The following TMC7 variants were observed in gnomAD, a reference collection of about 807,000 sequenced individuals.
TMC7 encodes the protein transmembrane channel like 7, also known as transmembrane channel-like protein 7.
A neutral mutation model predicts 82.9 loss-of-function variants in TMC7; 54 were observed. The observed-to-expected ratio is 0.65, with a 90% confidence interval of 0.52 to 0.82. The LOEUF is 0.82. Among genes scored for constraint, TMC7 ranks in the 40% least tolerant of loss-of-function variants. The probability of loss-of-function intolerance (pLI) is 0.00; values close to 1 mark genes in which losing one functional copy is unlikely to be tolerated. For synonymous variants in TMC7, 350 were observed against 337.9 expected (o/e 1.04, Z -0.39); for missense variants, 820 against 901.2 (o/e 0.91, Z 1.15).
intron 8 of TMC7, among the ~76,000 whole-genome samples, chr16:19,038,396 T>C (rs905572941): frequency 6.6e-6 from 1 of 151,706 alleles, no homozygotes; most frequent in African/African-American, 2.4e-5. Context: ...GGTTTCTCCA[T>C]GTTGATCAGG....
intron 12 of TMC7, among the ~76,000 whole-genome samples, chr16:19,050,702 T>C (rs1961498788): frequency 6.6e-6 from 1 of 152,122 alleles, no homozygotes; most frequent in African/African-American, 2.4e-5. Flanking sequence ...GGTTTCACCA[T>C]GTTGGCCAGG....
intron 5 of TMC7, among the ~76,000 whole-genome samples, chr16:19,025,489 G>A (rs112058972): frequency 1.6e-4 from 25 of 151,880 alleles, no homozygotes; most frequent in Admixed American, 5.9e-4. Flanking sequence ...CATGGTGGCG[G>A]GTGCCTGTAA....
chr16:18,997,799 G>A (rs1461029952), intron 1 of TMC7, among the ~76,000 whole-genome samples: 2 of 148,774 alleles, frequency 1.3e-5, no homozygotes, highest in Non-Finnish European at 3.0e-5. Flanking sequence ...GTACGATCTC[G>A]GCTCACTGCA....
chr16:19,053,783 C>T (rs1031423592), intron 13 of TMC7, among the ~76,000 whole-genome samples: 12 of 150,194 alleles, frequency 8.0e-5, no homozygotes, highest in Non-Finnish European at 1.5e-5. Flanking sequence ...TTCATTTTCT[C>T]ATTCCTTCTC....
At chr16:19,034,109 T>C (rs1960635761) in intron 6 of TMC7, among the ~76,000 whole-genome samples, 1 of 152,214 alleles carries the variant, frequency 6.6e-6, no homozygotes, top group Non-Finnish European at 1.5e-5. Flanking sequence ...GCTCACTAAA[T>C]AGTTAATTTA....
chr16:19,056,094 CTT>C (rs200352592), intron 13 of TMC7, among the ~76,000 whole-genome samples: 3 of 145,802 alleles, frequency 2.1e-5, no homozygotes, highest in Admixed American at 6.9e-5. Context: ...TTCTTTCTTT[CTT>C]TTTTTTTTTT....
Position 19,047,117 on chromosome 16 carries a change from G to A in TMC7, c.1608G>A (p.Gln536=). The stretch of plus-strand genomic sequence containing the variant: ...AGCTGATTCAGTGCTGGGGGCAGCA[G>A]GAGTTTGCCATTCCTGATAACGTCC... ...SCKLIQCWGQ[Q]EFAIPDNVLG... Residue 536 remains glutamine, a synonymous_variant, in exon 12 of 16, where the codon CAG becomes CAA. Coordinates refer to ENST00000304381, the MANE Select transcript of TMC7 (RefSeq NM_024847.4). 1 of 1,614,056 alleles carries A rather than the reference G, an allele frequency of 6.2e-7. No homozygotes were observed. The highest frequency in any genetic ancestry group is 1.1e-5 in the South Asian group (1 of 91,072).
intron 12 of TMC7, among the ~76,000 whole-genome samples, chr16:19,050,488 C>A (rs1357630358): frequency 6.6e-6 from 1 of 151,128 alleles, no homozygotes; most frequent in Non-Finnish European, 1.5e-5. Flanking sequence ...AGCTGTCTCT[C>A]ATCCTTCTTT....
At chr16:19,044,029 C>T (rs987922412) in intron 9 of TMC7, among the ~76,000 whole-genome samples, 19 of 152,064 alleles carry the variant, frequency 1.2e-4, no homozygotes, top group African/African-American at 4.6e-4. Context: ...GCCACCACAC[C>T]CAGCTAATTT....
At chr16:19,044,728 A>G (rs1462114239) in intron 9 of TMC7, among the ~76,000 whole-genome samples, 156 bp from the exon 10 acceptor site, 1 of 137,826 alleles carries the variant, frequency 7.3e-6, no homozygotes, top group Non-Finnish European at 1.5e-5. Context: ...AGATCACACC[A>G]CTGCTCTCCA....
intron 1 of TMC7, among the ~76,000 whole-genome samples, chr16:19,005,768 C>T (rs2039228850): frequency 6.6e-6 from 1 of 152,136 alleles, no homozygotes; most frequent in Non-Finnish European, 1.5e-5. Context: ...AGACCCTTTT[C>T]CTTTTCAGGG....
At chr16:19,048,649 G>A (rs1162343179) in intron 12 of TMC7, among the ~76,000 whole-genome samples, 1 of 152,136 alleles carries the variant, frequency 6.6e-6, no homozygotes, top group Non-Finnish European at 1.5e-5. Flanking sequence ...TTGAACTCCC[G>A]ACCTCAGGTG....
intron 1 of TMC7, among the ~76,000 whole-genome samples, chr16:18,986,551 T>C (rs1050297170): frequency 9.2e-5 from 14 of 151,962 alleles, no homozygotes; most frequent in African/African-American, 3.4e-4. Context: ...CTAGACTCTG[T>C]CTCAAAAACA....
intron 15 of TMC7, among the ~76,000 whole-genome samples, chr16:19,061,570 C>T (rs1962011789): frequency 6.6e-6 from 1 of 152,212 alleles, no homozygotes; most frequent in Non-Finnish European, 1.5e-5. Context: ...CAGGCATGAG[C>T]CACCGTGTCC....
chr16:18,988,457 T>A (rs2038892696), intron 1 of TMC7, among the ~76,000 whole-genome samples: 1 of 151,894 alleles, frequency 6.6e-6, no homozygotes, highest in African/African-American at 2.4e-5. Context: ...GTCTGGCTAA[T>A]TTTTTTGAGT....
At chr16:19,043,592 T>C (rs1961121755) in intron 9 of TMC7, among the ~76,000 whole-genome samples, 1 of 149,720 alleles carries the variant, frequency 6.7e-6, no homozygotes, top group Admixed American at 6.7e-5. Context: ...ATTTCTGAGA[T>C]GGAGTTTCGC....
chr16:18,986,421 C>T (rs961855241), intron 1 of TMC7, among the ~76,000 whole-genome samples: 47 of 146,106 alleles, frequency 3.2e-4, no homozygotes, highest in Admixed American at 2.8e-4. Context: ...ATGGGTATGG[C>T]GGCATGTGCC....
chr16:19,030,519 A>G, intron 6 of TMC7, 150 bp downstream of exon 6: 1 of 809,220 alleles, frequency 1.2e-6, no homozygotes, highest in Non-Finnish European at 1.8e-6. Flanking sequence ...TTGGCAGCTG[A>G]AGAGACCTGG....
chr16:19,025,150 C>G (rs909118436), intron 5 of TMC7, among the ~76,000 whole-genome samples: 7 of 152,234 alleles, frequency 4.6e-5, no homozygotes, highest in Admixed American at 2.6e-4. Flanking sequence ...CCACTAGATG[C>G]CAGCAGCACT....
Sources: gnomAD v4.1 joint callset for allele counts (sites outside exome capture counted in the v4.1 genomes callset) on GRCh38, gnomAD v4.1.1 for gene constraint, MANE v1.5 for transcripts, NCBI Gene and HGNC (gene_info 2026-07-23, HGNC 2026-07-21) for gene names.